The following CD80 variants were observed in gnomAD, a reference collection of about 807,000 sequenced individuals.
CD80 encodes the protein CD80 molecule.
Under a neutral mutation model 27.1 loss-of-function variants are expected in CD80, and 13 were observed. The ratio of observed to expected loss-of-function variants is 0.48; its 90% CI spans 0.31 to 0.76. The LOEUF (loss-of-function observed/expected upper bound fraction) is 0.76, where lower values mean the gene tolerates loss of function less well. Among genes scored for constraint, CD80 ranks in the 30% least tolerant of loss-of-function variants. CD80 has a pLI of 0.04. For missense variants in CD80, 277 were observed against 347.9 expected (o/e 0.80, Z 1.62); for synonymous variants, 125 against 125.5 (o/e 1.00, Z 0.03).
At chr3:119,549,920 A>T (rs2082222101) in intron 2 of CD80, among the ~76,000 whole-genome samples, 1 of 152,240 alleles carries the variant, frequency 6.6e-6, no homozygotes, top group Non-Finnish European at 1.5e-5. Flanking sequence ...ACGTAGAAGG[A>T]ACATGGGCTA....
chr3:119,530,059 A>G, intron 4 of CD80, 122 bp from the exon 5 acceptor site: 1 of 630,534 alleles, frequency 1.6e-6, no homozygotes, highest in East Asian at 2.9e-5. Context: ...TCCAGTATGC[A>G]GCTGCTAGCA....
intron 2 of CD80, among the ~76,000 whole-genome samples, chr3:119,552,488 TG>T (rs1298097994): frequency 1.7e-5 from 2 of 119,896 alleles, no homozygotes; most frequent in Admixed American, 2.3e-4. Flanking sequence ...CACTCCAGCT[TG>T]GGCGACAGAG....
intron 2 of CD80, among the ~76,000 whole-genome samples, chr3:119,547,591 A>T (rs991361459): frequency 1.3e-5 from 2 of 152,074 alleles, no homozygotes; most frequent in African/African-American, 4.8e-5. Flanking sequence ...GAAAGTGAGT[A>T]CCCTCACTTT....
chr3:119,524,880 T>C lies in CD80; in HGVS notation c.*908A>G, dbSNP rs1454667737. ...GAGGCCCTATGGAAAGTTACTACCT[T>C]AGACATTTGAAGATAGCTTACTGCT... is the stretch of plus-strand genomic sequence containing the variant. On this transcript the variant is annotated 3_prime_UTR_variant, in exon 7 of 7. Transcript: ENST00000264246. 21 of 152,208 alleles carry C rather than the reference T, an allele frequency of 1.4e-4. No individual in the cohort carries two copies. Among genetic ancestry groups the C allele is most frequent in the Admixed American group, 1.4e-3 (21 of 15,276 alleles). The allele number at this position is 152,208 out of a possible 1,614,324, so 9.4% of individuals were successfully genotyped here.
chr3:119,546,772 C>G (rs3850890), intron 2 of CD80, among the ~76,000 whole-genome samples: 1 of 151,538 alleles, frequency 6.6e-6, no homozygotes, highest in African/African-American at 2.4e-5. Context: ...TTTTCCCTTG[C>G]GTTTCTCCTA....
chr3:119,541,488 C>G (rs906299477), intron 3 of CD80, among the ~76,000 whole-genome samples: 1 of 152,034 alleles, frequency 6.6e-6, no homozygotes, highest in Non-Finnish European at 1.5e-5. Context: ...AATCTTGTGC[C>G]CCAAATAAAC....
intron 2 of CD80, among the ~76,000 whole-genome samples, chr3:119,546,839 C>CAGAT (rs1553783477): frequency 2.6e-5 from 4 of 151,850 alleles, no homozygotes; most frequent in Non-Finnish European, 5.9e-5. Flanking sequence ...CACACACACA[C>CAGAT]AGATATGCAC....
At chr3:119,546,751 T>G (rs2082204544) in intron 2 of CD80, among the ~76,000 whole-genome samples, 1 of 152,028 alleles carries the variant, frequency 6.6e-6, no homozygotes, top group Non-Finnish European at 1.5e-5. Flanking sequence ...TAGTCTCTGA[T>G]GCTCACTGCC....
At chr3:119,553,191 G>GTGCCA (rs2082243995) in intron 2 of CD80, among the ~76,000 whole-genome samples, 1 of 151,618 alleles carries the variant, frequency 6.6e-6, no homozygotes, top group Non-Finnish European at 1.5e-5. Flanking sequence ...CCATGCTGGA[G>GTGCCA]TGCAGTGGCA....
In CD80 at chr3:119,557,854, A is replaced by G. The variant is rs2082272783; in HGVS notation, c.-126T>C. On this transcript the variant is annotated 5_prime_UTR_variant, in exon 2 of 7. Transcript: ENST00000264246. The stretch of plus-strand genomic sequence containing the variant: ...CAATTGCTCACGTAGAAGACCCTCC[A>G]GTGATGTTTACAAAACACACAGAGA... 3 of 511,412 alleles carry G rather than the reference A, an allele frequency of 5.9e-6. No individual in the cohort carries two copies. The Admixed American group carries it at 1.1e-4, about 18-fold the overall frequency. The allele number at this position is 511,412 out of a possible 1,614,324, so 31.7% of individuals were successfully genotyped here.
At chr3:119,541,184 G>A (rs1168374716) in intron 3 of CD80, among the ~76,000 whole-genome samples, 1 of 152,110 alleles carries the variant, frequency 6.6e-6, no homozygotes, top group Non-Finnish European at 1.5e-5. Flanking sequence ...CAAAGACGTT[G>A]TAAGACTGTA....
chr3:119,555,508 T>G (rs1012000936), intron 2 of CD80, among the ~76,000 whole-genome samples: 1 of 152,244 alleles, frequency 6.6e-6, no homozygotes, highest in African/African-American at 2.4e-5. Flanking sequence ...TCCAGCTTCC[T>G]GAATAACATG....
chr3:119,548,172 G>A (rs1320032108), intron 2 of CD80, among the ~76,000 whole-genome samples: 1 of 151,968 alleles, frequency 6.6e-6, no homozygotes, highest in Non-Finnish European at 1.5e-5. Flanking sequence ...GTAGAGACAG[G>A]GTTTCCACCA....
At chr3:119,535,762 C>T (rs1017306907) in intron 4 of CD80, among the ~76,000 whole-genome samples, 1 of 151,970 alleles carries the variant, frequency 6.6e-6, no homozygotes, top group Non-Finnish European at 1.5e-5. Context: ...AAAGCACATT[C>T]GCCCACAAAA....
At position 119,557,639 on chromosome 3, in the gene CD80, G is replaced by T. The variant is rs1297691108; in HGVS notation, c.90C>A (p.His30Gln). 4.3e-6 allele frequency: 7 copies of T among 1,612,902 alleles called. No individual in the cohort carries two copies. Among genetic ancestry groups the T allele is most frequent in the Non-Finnish European group, 5.9e-6 (7 of 1,179,294 alleles). The change falls in exon 2 of 7, where the codon CAC (histidine) becomes CAA (glutamine). Residue 30 changes from histidine to glutamine, a missense_variant. His to Gln is a conservative substitution (Grantham distance 24). Transcript: ENST00000264246. Reference sequence around the variant, plus strand: ...CTGAAAGTTGCTTACCTGAACAGAAGTGAGAAAGACCAGCCAGCACCAAGA... The same window carrying T: ...CTGAAAGTTGCTTACCTGAACAGAATTGAGAAAGACCAGCCAGCACCAAGA... ...FQLLVLAGLS[H>Q]FCSGVIHVTK...
intron 2 of CD80, among the ~76,000 whole-genome samples, chr3:119,553,080 A>G (rs1330886677): frequency 6.6e-6 from 1 of 150,868 alleles, no homozygotes; most frequent in Non-Finnish European, 1.5e-5. Flanking sequence ...TTGCAAATAT[A>G]CTAAAACCCA....
chr3:119,558,264 A>G (rs2082274622), intron 1 of CD80, among the ~76,000 whole-genome samples: 1 of 152,236 alleles, frequency 6.6e-6, no homozygotes, highest in African/African-American at 2.4e-5. Flanking sequence ...AGCAGACAGT[A>G]AGGGTGTATT....
chr3:119,557,475 G>A (rs1386380513), intron 2 of CD80, among the ~76,000 whole-genome samples, 154 bp downstream of exon 2: 1 of 152,114 alleles, frequency 6.6e-6, no homozygotes, highest in Non-Finnish European at 1.5e-5. Context: ...AACCTCTTTG[G>A]ACCACAGTCT....
At chr3:119,530,411 T>C (rs902948842) in intron 4 of CD80, among the ~76,000 whole-genome samples, 8 of 152,212 alleles carry the variant, frequency 5.3e-5, no homozygotes, top group Non-Finnish European at 1.2e-4. Context: ...GCCCTAAAGC[T>C]ACAGGAGCCA....
Sources: gnomAD v4.1 joint callset for allele counts (sites outside exome capture counted in the v4.1 genomes callset) on GRCh38, gnomAD v4.1.1 for gene constraint, MANE v1.5 for transcripts, NCBI Gene and HGNC (gene_info 2026-07-23, HGNC 2026-07-21) for gene names.